The following DIPK1A variants were observed in gnomAD, a reference collection of about 807,000 sequenced individuals.
DIPK1A encodes the protein family with sequence similarity 69 member A.
DIPK1A carries 27 observed loss-of-function variants against 40.8 expected under a neutral mutation model. That is an observed-to-expected ratio of 0.66 (90% CI 0.49 to 0.91). The LOEUF (loss-of-function observed/expected upper bound fraction) is 0.91, where lower values mean the gene tolerates loss of function less well. Among genes scored for constraint, DIPK1A ranks in the 40% least tolerant of loss-of-function variants. DIPK1A has a pLI of 0.00. For synonymous variants in DIPK1A, 166 were observed against 171.3 expected, an observed-to-expected ratio of 0.97 and a Z score of 0.24; for missense variants, 412 against 505.7, an observed-to-expected ratio of 0.81 and a Z score of 1.78.
intron 1 of DIPK1A, among the ~76,000 whole-genome samples, chr1:92,886,329 TA>T (rs993608467): frequency 1.4e-4 from 21 of 149,006 alleles, no homozygotes; most frequent in Middle Eastern, 3.4e-3. Flanking sequence ...TGACCCTGTC[TA>T]AAAAAAAAAT....
intron 2 of DIPK1A, among the ~76,000 whole-genome samples, chr1:92,875,534 T>A (rs187533526): frequency 1.7e-4 from 26 of 152,090 alleles, no homozygotes; most frequent in African/African-American, 6.3e-4. Flanking sequence ...CTGGGCAACA[T>A]GGTGAAACCC....
chr1:92,886,684 G>A (rs1465071268), intron 1 of DIPK1A, among the ~76,000 whole-genome samples: 1 of 152,018 alleles, frequency 6.6e-6, no homozygotes, highest in East Asian at 1.9e-4. Flanking sequence ...ATTTATTAGT[G>A]CTACTCTGTA....
rs1454449734 is a variant in DIPK1A, at chr1:92,843,392, A to G, written c.1278T>C (p.Asn426=). 6.5e-7 allele frequency: 1 copy of G among 1,539,324 alleles called. No individual in the cohort carries two copies. The highest frequency in any genetic ancestry group is 8.8e-7 in the Non-Finnish European group (1 of 1,140,824). The change falls in exon 5 of 5, where the codon AAT becomes AAC. Residue 426 remains asparagine, a synonymous_variant. Coordinates refer to ENST00000370310, the MANE Select transcript of DIPK1A (RefSeq NM_001006605.5). ...TLLWKKISYT[N]DS ...ATTATGTCCAAATGAACTAAGAGTC[A>G]TTAGTGTAGGAAATTTTCTTCCACA... is the stretch of plus-strand genomic sequence containing the variant.
At chr1:92,855,946 T>C (rs1175609615) in intron 2 of DIPK1A, among the ~76,000 whole-genome samples, 1 of 151,918 alleles carries the variant, frequency 6.6e-6, no homozygotes, top group Non-Finnish European at 1.5e-5. Flanking sequence ...CAGGTGTGGA[T>C]GCACACCTGT....
chr1:92,875,709 G>A (rs1346991837), intron 2 of DIPK1A, among the ~76,000 whole-genome samples: 5 of 134,726 alleles, frequency 3.7e-5, no homozygotes, highest in African/African-American at 8.4e-5. Context: ...GCAAGACTTC[G>A]TCTCAAAAAA....
intron 1 of DIPK1A, among the ~76,000 whole-genome samples, chr1:92,924,266 A>G (rs1650391150): frequency 6.6e-6 from 1 of 152,126 alleles, no homozygotes; most frequent in Non-Finnish European, 1.5e-5. Flanking sequence ...TCTACTATAT[A>G]AATAATCTGA....
intron 2 of DIPK1A, among the ~76,000 whole-genome samples, chr1:92,865,284 T>G (rs1036059074): frequency 2.0e-5 from 3 of 151,192 alleles, no homozygotes; most frequent in African/African-American, 7.3e-5. Flanking sequence ...GATCCCTGGA[T>G]CCCAGGAATT....
intron 1 of DIPK1A, among the ~76,000 whole-genome samples, chr1:92,924,023 C>T (rs565625771): frequency 2.0e-5 from 3 of 152,286 alleles, no homozygotes; most frequent in African/African-American, 7.2e-5. Context: ...ACATACCTCT[C>T]CATTTATTTA....
In DIPK1A at chr1:92,912,337, T is replaced by G. The variant is rs182808549; in HGVS notation, c.55-35907A>C. Among the ~76,000 whole-genome samples, 403 of 152,196 alleles carry G rather than the reference T, an allele frequency of 2.6e-3. 1 individual carries two copies. The highest frequency in any genetic ancestry group is 9.4e-3 in the African/African-American group (389 of 41,534). On this transcript the variant is annotated intron_variant, in intron 1 of 4. Transcript: ENST00000370310. ...TAACACTAAAGTTGTGATAGGTTTG[T>G]GGGCGTTAGTTTTTTATATGATTCA...
At chr1:92,908,148 A>T (rs1363775172) in intron 1 of DIPK1A, among the ~76,000 whole-genome samples, 4 of 152,226 alleles carry the variant, frequency 2.6e-5, no homozygotes, top group African/African-American at 9.6e-5. Context: ...TGAGTCATGC[A>T]AGTGATATTT....
At chr1:92,837,910 A>T, downstream of DIPK1A, 1 of 434,664 alleles carries the variant, frequency 2.3e-6, no homozygotes, top group South Asian at 2.2e-5. Context: ...GAGGTGCTAG[A>T]TAATAAACTT....
At chr1:92,942,377 C>G (rs759715327) in intron 1 of DIPK1A, among the ~76,000 whole-genome samples, 2 of 152,094 alleles carry the variant, frequency 1.3e-5, no homozygotes, top group Admixed American at 6.6e-5. Context: ...ATATAAAGAT[C>G]TTTTATAGGA....
chr1:92,932,440 C>CA (rs547621367), intron 1 of DIPK1A: 20 of 144,640 alleles, frequency 1.4e-4, no homozygotes, highest in South Asian at 2.2e-4. Context: ...GACTCTGTCT[C>CA]AAAAAAAAAA....
intron 1 of DIPK1A, among the ~76,000 whole-genome samples, chr1:92,896,619 C>G (rs1240410980): frequency 1.3e-5 from 2 of 148,366 alleles, no homozygotes; most frequent in Non-Finnish European, 3.0e-5. Flanking sequence ...TCTAAAACAC[C>G]AAAAGCAATG....
intron 1 of DIPK1A, among the ~76,000 whole-genome samples, chr1:92,917,573 G>T (rs1343763220): frequency 6.6e-6 from 1 of 152,172 alleles, no homozygotes; most frequent in Non-Finnish European, 1.5e-5. Flanking sequence ...GAAAGTGAAA[G>T]GTTCCCCCAT....
chr1:92,898,394 C>A (rs2811591), intron 1 of DIPK1A, among the ~76,000 whole-genome samples: 104,059 of 151,838 alleles, frequency 0.69, 36,164 homozygotes, highest in East Asian at 0.95. Flanking sequence ...CATGAGAGAT[C>A]CACCCCCATG....
intron 1 of DIPK1A, among the ~76,000 whole-genome samples, chr1:92,958,867 ATTG>A (rs1459498751): frequency 6.6e-6 from 1 of 152,210 alleles, no homozygotes; most frequent in Non-Finnish European, 1.5e-5. Flanking sequence ...GGAAAAATAA[ATTG>A]TTATTAACTT....
intron 1 of DIPK1A, among the ~76,000 whole-genome samples, chr1:92,921,320 A>G (rs1218309174): frequency 1.3e-5 from 2 of 152,176 alleles, no homozygotes; most frequent in East Asian, 3.9e-4. Context: ...CACACTCAGG[A>G]TGGACAAATT....
chr1:92,933,715 A>T (rs1650845910), intron 1 of DIPK1A: 1 of 152,264 alleles, frequency 6.6e-6, no homozygotes, highest in Non-Finnish European at 1.5e-5. Context: ...ATTTATCTTT[A>T]TCTTTGCACA....
Sources: allele counts gnomAD v4.1 joint callset (sites outside exome capture counted in the v4.1 genomes callset), GRCh38; gene constraint gnomAD v4.1.1; transcripts MANE v1.5; gene names NCBI Gene and HGNC (gene_info 2026-07-23, HGNC 2026-07-21).